Variants in CNBD1 observed in about 807,000 individuals in gnomAD.
CNBD1 encodes the protein cyclic nucleotide-binding domain-containing protein 1.
A neutral mutation model predicts 54.4 loss-of-function variants in CNBD1; 71 were observed. The ratio of observed to expected loss-of-function variants is 1.30; its 90% CI spans 1.08 to 1.59. The LOEUF is 1.59. CNBD1 is among the 40% of genes most tolerant of loss of function. CNBD1 has a pLI of 0.00. For missense variants in CNBD1, 659 were observed against 518.0 expected, an observed-to-expected ratio of 1.27 and a Z score of -2.64; for synonymous variants, 182 against 170.7, an observed-to-expected ratio of 1.07 and a Z score of -0.51.
intron 8 of CNBD1, among the ~76,000 whole-genome samples, chr8:87,293,606 A>G (rs908496240): frequency 1.3e-5 from 2 of 152,214 alleles, no homozygotes; most frequent in Admixed American, 1.3e-4. Context: ...TGTACTCCTT[A>G]CTATGTAGGA....
At chr8:86,942,777 C>T (rs910054758) in intron 4 of CNBD1, among the ~76,000 whole-genome samples, 9 of 152,244 alleles carry the variant, frequency 5.9e-5, no homozygotes, top group South Asian at 2.1e-4. Context: ...TTGGGTGTTC[C>T]CTTAGTCACA....
chr8:86,957,259 T>G (rs559004147), intron 4 of CNBD1, among the ~76,000 whole-genome samples: 1 of 152,324 alleles, frequency 6.6e-6, no homozygotes, highest in Admixed American at 6.5e-5. Flanking sequence ...TTTGCATCGA[T>G]GTTCATCAGG....
At chr8:86,950,226 A>C (rs1402544320) in intron 4 of CNBD1, among the ~76,000 whole-genome samples, 2 of 151,332 alleles carry the variant, frequency 1.3e-5, no homozygotes, top group Admixed American at 1.3e-4. Context: ...ACGCCTGGCA[A>C]ATTTTTGTAT....
chr8:87,264,959 A>C (rs1808218320), intron 6 of CNBD1, among the ~76,000 whole-genome samples: 1 of 151,824 alleles, frequency 6.6e-6, no homozygotes, highest in Admixed American at 6.6e-5. Context: ...TTGCCTGTTC[A>C]CTCTGATGGT....
chr8:87,107,978 G>A (rs1811577010), intron 4 of CNBD1, among the ~76,000 whole-genome samples: 2 of 152,028 alleles, frequency 1.3e-5, no homozygotes, highest in Non-Finnish European at 1.5e-5. Context: ...CCCTCTATTT[G>A]TTTGTTTCAT....
At position 87,266,438 on chromosome 8, in the gene CNBD1, C is replaced by CTTTTTTT. The variant is rs72293236; in HGVS notation, c.772-18216_772-18210dup. 3.5e-3 allele frequency among the ~76,000 whole-genome samples: 173 copies of CTTTTTTT among 50,138 alleles called. 23 individuals are homozygous for CTTTTTTT. The highest frequency in any genetic ancestry group is 5.8e-3 in the South Asian group (5 of 860). The allele number at this position is 50,138 out of a possible 152,430, so 32.9% of individuals were successfully genotyped here. A position where few individuals can be genotyped will look rare whatever the true frequency, so the allele number is the denominator to read the frequency against. On this transcript the variant is annotated intron_variant, in intron 6 of 10. Coordinates refer to ENST00000518476, the MANE Select transcript of CNBD1 (RefSeq NM_173538.3). ...GGTCCAAGTAAAAAAAAAAAAAAAT[C>CTTTTTTT]TTTTTTTTTTTTTTTTTTTTTTTTT...
chr8:87,363,624 CAT>C (rs1234543400), intron 10 of CNBD1, among the ~76,000 whole-genome samples: 5 of 151,926 alleles, frequency 3.3e-5, no homozygotes, highest in African/African-American at 1.2e-4. Flanking sequence ...AGCTTTTTTT[CAT>C]ATGTTTGTTA....
In CNBD1 at chr8:86,980,643, G is replaced by A. The variant is rs114897716; in HGVS notation, c.431+40889G>A. Among the ~76,000 whole-genome samples, 1,506 of 152,212 alleles carry A rather than the reference G, an allele frequency of 9.9e-3. 18 individuals are homozygous for A. The highest frequency in any genetic ancestry group is 0.033 in the African/African-American group (1,386 of 41,550). On this transcript the variant is annotated intron_variant, in intron 4 of 10. Transcript: ENST00000518476. ...TTACTTTTTTTGGTTACACTTTGCC[G>A]TGTTTTAGGAAGCAAATTATTTGCT...
At chr8:87,092,563 A>ATGTG (rs138744320) in intron 4 of CNBD1, among the ~76,000 whole-genome samples, 48 of 146,998 alleles carry the variant, frequency 3.3e-4, no homozygotes, top group African/African-American at 5.9e-4. Flanking sequence ...ATATACACAT[A>ATGTG]TGTGTGTGTG....
chr8:87,002,144 C>A (rs1397345178), intron 4 of CNBD1, among the ~76,000 whole-genome samples: 1 of 152,132 alleles, frequency 6.6e-6, no homozygotes, highest in Admixed American at 6.5e-5. Context: ...TATATCTAAT[C>A]TAATAGGAAT....
In CNBD1 at chr8:87,140,004, TACTC is replaced by T. The variant is rs1812339988; in HGVS notation, c.432-65987_432-65984del. ...CTGACTTCTTAGTGTGACATTATCTTACTCATTATATTAGTTTCACCAAGATCCA... is the reference window on the plus strand; with the variant it reads ...CTGACTTCTTAGTGTGACATTATCTTATTATATTAGTTTCACCAAGATCCA... On this transcript the variant is annotated intron_variant, in intron 4 of 10. Transcript: ENST00000518476. Among the ~76,000 whole-genome samples, 3 of 152,274 alleles carry T rather than the reference TACTC, an allele frequency of 2.0e-5. No individual in the cohort carries two copies. In the South Asian group the frequency reaches 6.2e-4, roughly 32 times the overall value.
intron 4 of CNBD1, among the ~76,000 whole-genome samples, chr8:87,085,428 C>CT (rs1004164513): frequency 4.0e-5 from 6 of 151,688 alleles, no homozygotes; most frequent in African/African-American, 1.2e-4. Context: ...TTTATTGAGT[C>CT]TTTTTTTTAT....
intron 4 of CNBD1, among the ~76,000 whole-genome samples, chr8:87,109,373 C>T (rs1402349652): frequency 6.6e-6 from 1 of 151,940 alleles, no homozygotes; most frequent in Non-Finnish European, 1.5e-5. Context: ...CTTTGGCACC[C>T]TTTGGCTAAG....
chr8:87,298,215 C>G (rs1808917174), intron 8 of CNBD1, among the ~76,000 whole-genome samples: 1 of 151,900 alleles, frequency 6.6e-6, no homozygotes, highest in Admixed American at 6.6e-5. Context: ...TTTTACCCCA[C>G]TTGCAAATAG....
chr8:87,340,806 T>A (rs1394523723), intron 8 of CNBD1, among the ~76,000 whole-genome samples: 2 of 152,118 alleles, frequency 1.3e-5, no homozygotes, highest in East Asian at 1.9e-4. Flanking sequence ...TTTTATTTTG[T>A]TCACATATTG....
At position 87,137,682 on chromosome 8, in the gene CNBD1, T is replaced by G. The variant is rs190119395; in HGVS notation, c.432-68311T>G. 4.7e-4 allele frequency among the ~76,000 whole-genome samples: 72 copies of G among 152,256 alleles called. No individual in the cohort carries two copies. The East Asian group carries it at 0.014, about 29-fold the overall frequency. The stretch of plus-strand genomic sequence containing the variant: ...AAAGGAGGAGCAGTGGTTATTGATT[T>G]ATTGATTTTTTTACTTCCTTATTTA... On this transcript the variant is annotated intron_variant, in intron 4 of 10. Transcript: ENST00000518476.
At chr8:87,338,319 C>G (rs1227969027) in intron 8 of CNBD1, among the ~76,000 whole-genome samples, 1 of 151,974 alleles carries the variant, frequency 6.6e-6, no homozygotes, top group African/African-American at 2.4e-5. Context: ...TATCATTTTC[C>G]TTTTCTCTAA....
intron 4 of CNBD1, among the ~76,000 whole-genome samples, chr8:86,990,759 T>G (rs1302010490): frequency 2.0e-5 from 3 of 152,180 alleles, no homozygotes; most frequent in Non-Finnish European, 2.9e-5. Context: ...GAAATCACAT[T>G]GAATCTATAG....
chr8:87,330,755 G>T (rs369730816), intron 8 of CNBD1, among the ~76,000 whole-genome samples: 1 of 152,130 alleles, frequency 6.6e-6, no homozygotes, highest in Non-Finnish European at 1.5e-5. Context: ...TATGTATGCT[G>T]CTGTTAATGG....
Sources: gnomAD v4.1 joint callset for allele counts (sites outside exome capture counted in the v4.1 genomes callset) on GRCh38, gnomAD v4.1.1 for gene constraint, MANE v1.5 for transcripts, NCBI Gene and HGNC (gene_info 2026-07-23, HGNC 2026-07-21) for gene names.